Variants in CDKN2B-AS1 observed in about 807,000 individuals in gnomAD.
CDKN2B-AS1 encodes CDKN2B and CDKN2A antisense cis and trans regulatory RNA 1.
At chr9:22,041,788 CCAAAG>C (rs1028512049) in intron 1 of CDKN2B-AS1, among the ~76,000 whole-genome samples, 3 of 152,008 alleles carry the variant, frequency 2.0e-5, no homozygotes, top group African/African-American at 7.2e-5. Flanking sequence ...CTCACAGACT[CCAAAG>C]CAACTGTTGT....
intron 4 of CDKN2B-AS1, among the ~76,000 whole-genome samples, chr9:22,091,873 G>A (rs921607553): frequency 1.3e-5 from 2 of 152,170 alleles, no homozygotes; most frequent in Non-Finnish European, 2.9e-5. Flanking sequence ...AATAGGAGTG[G>A]TGAGAGAGGG....
At position 22,098,518 on chromosome 9, in the gene CDKN2B-AS1, G is replaced by A. The variant is rs139144395; in HGVS notation, n.439-28585G>A. Among the ~76,000 whole-genome samples, 10 of 151,966 alleles carry A rather than the reference G, an allele frequency of 6.6e-5. No individual in the cohort carries two copies. The East Asian group carries it at 1.9e-3, about 29-fold the overall frequency. ...AAAAAATGAAAAACAAAGTCCACTT[G>A]TAACCACATGTCAGTAGCATGTTTG... On this transcript the variant is annotated intron_variant and non_coding_transcript_variant, in intron 4 of 4. Coordinates refer to ENST00000650946, the Ensembl canonical transcript of CDKN2B-AS1.
intron 4 of CDKN2B-AS1, among the ~76,000 whole-genome samples, chr9:22,088,735 G>C (rs766874642): frequency 6.6e-6 from 1 of 152,166 alleles, no homozygotes; most frequent in Non-Finnish European, 1.5e-5. Flanking sequence ...GAGGCTTCAA[G>C]AAATGAGATC....
intron 4 of CDKN2B-AS1, among the ~76,000 whole-genome samples, chr9:22,111,674 A>C (rs760730794): frequency 6.6e-6 from 1 of 152,160 alleles, no homozygotes; most frequent in Non-Finnish European, 1.5e-5. Flanking sequence ...TCTTTAGCCT[A>C]CCAAATCTCT....
chr9:22,001,550 A>G lies in CDKN2B-AS1; in HGVS notation n.29+6389A>G, dbSNP rs1820919090. ...TACATTAATTTTCATTACTGTGCTT[A>G]ATATACAATCCATGCCAATTACATA... On this transcript the variant is annotated intron_variant and non_coding_transcript_variant, in intron 1 of 4. Coordinates refer to ENST00000650946, the Ensembl canonical transcript of CDKN2B-AS1. The surrounding 1 kb of genome is among the most constrained non-coding windows in gnomAD (Gnocchi z 4.2). 6.6e-6 allele frequency among the ~76,000 whole-genome samples: 1 copy of G among 152,178 alleles called. No homozygotes were observed. Among genetic ancestry groups the G allele is most frequent in the African/African-American group, 2.4e-5 (1 of 41,466 alleles).
At chr9:22,052,035 G>C (rs1004699149) in intron 3 of CDKN2B-AS1, among the ~76,000 whole-genome samples, 3 of 152,020 alleles carry the variant, frequency 2.0e-5, no homozygotes, top group East Asian at 3.9e-4. Flanking sequence ...ATCATGGTGG[G>C]GGATCCTGGT....
chr9:22,123,961 A>G (rs553996845), intron 4 of CDKN2B-AS1, among the ~76,000 whole-genome samples: 1 of 152,330 alleles, frequency 6.6e-6, no homozygotes, highest in South Asian at 2.1e-4. Context: ...ATAAATAAAA[A>G]CAAAGCAAAT....
intron 4 of CDKN2B-AS1, among the ~76,000 whole-genome samples, chr9:22,089,746 C>G (rs940259314): frequency 6.6e-6 from 1 of 151,966 alleles, no homozygotes; most frequent in African/African-American, 2.4e-5. Flanking sequence ...TACTTTGCCC[C>G]CTAGCAGACG....
At chr9:22,106,152 G>C (rs113708039) in intron 4 of CDKN2B-AS1, among the ~76,000 whole-genome samples, 1 of 152,006 alleles carries the variant, frequency 6.6e-6, no homozygotes, top group Non-Finnish European at 1.5e-5. Context: ...GCATGAACTC[G>C]GCTCACTGCA....
At chr9:22,114,484 A>G (rs1825892461) in intron 4 of CDKN2B-AS1, among the ~76,000 whole-genome samples, 2 of 152,182 alleles carry the variant, frequency 1.3e-5, no homozygotes, top group South Asian at 4.1e-4. Flanking sequence ...CTACTATGTA[A>G]GACTCATCCC....
chr9:22,066,722 T>G (rs191321707), intron 4 of CDKN2B-AS1, among the ~76,000 whole-genome samples: 1 of 151,978 alleles, frequency 6.6e-6, no homozygotes, highest in African/African-American at 2.4e-5. Flanking sequence ...TAGCATAGAG[T>G]TACCATCGGG....
chr9:22,114,706 G>T (rs532851875), intron 4 of CDKN2B-AS1, among the ~76,000 whole-genome samples: 1 of 152,282 alleles, frequency 6.6e-6, no homozygotes, highest in African/African-American at 2.4e-5. Flanking sequence ...GTACAAACTT[G>T]GTGATGAATT....
At chr9:22,033,946 A>G (rs1465942060) in intron 1 of CDKN2B-AS1, among the ~76,000 whole-genome samples, 2 of 152,218 alleles carry the variant, frequency 1.3e-5, no homozygotes, top group Non-Finnish European at 1.5e-5. Flanking sequence ...CTTGCTTAAG[A>G]TTATACAAGT....
chr9:22,123,865 G>A (rs1013778558), intron 4 of CDKN2B-AS1, among the ~76,000 whole-genome samples: 5 of 152,138 alleles, frequency 3.3e-5, no homozygotes, highest in South Asian at 2.1e-4. Context: ...CAATGACAAC[G>A]GAAAGGACTA....
intron 2 of CDKN2B-AS1, among the ~76,000 whole-genome samples, chr9:22,047,842 A>AGT (rs1346414605): frequency 6.6e-6 from 1 of 150,746 alleles, no homozygotes; most frequent in African/African-American, 2.4e-5. Flanking sequence ...GCTGTAATGC[A>AGT]GTGGCACAAT....
At chr9:22,125,495 T>C (rs1046993820) in intron 4 of CDKN2B-AS1, among the ~76,000 whole-genome samples, 2 of 152,200 alleles carry the variant, frequency 1.3e-5, no homozygotes, top group Admixed American at 6.5e-5. Flanking sequence ...AACCATATGA[T>C]CAACAGTTGA....
intron 1 of CDKN2B-AS1, among the ~76,000 whole-genome samples, chr9:22,007,561 G>C (rs1406582023): frequency 6.6e-6 from 1 of 152,104 alleles, no homozygotes; most frequent in East Asian, 1.9e-4. Flanking sequence ...CTAAAATCGA[G>C]TTATTTGTTA....
chr9:22,103,130 GATGT>G (rs1825540846), intron 4 of CDKN2B-AS1, among the ~76,000 whole-genome samples: 1 of 88,576 alleles, frequency 1.1e-5, no homozygotes, highest in East Asian at 3.6e-4. Flanking sequence ...TTCTAGAACA[GATGT>G]GTGTGTGTGT....
At chr9:22,070,900 G>A (rs1392021330) in intron 4 of CDKN2B-AS1, among the ~76,000 whole-genome samples, 1 of 152,100 alleles carries the variant, frequency 6.6e-6, no homozygotes, top group East Asian at 1.9e-4. Flanking sequence ...TGACCCAGAG[G>A]ATTTGAATTT....
Sources: allele counts gnomAD v4.1 joint callset (sites outside exome capture counted in the v4.1 genomes callset), GRCh38; gene constraint gnomAD v4.1.1; non-coding constraint Gnocchi (gnomAD v3.1); transcripts MANE v1.5; gene names NCBI Gene and HGNC (gene_info 2026-07-23, HGNC 2026-07-21).